OPCML: variants seen among roughly 807,000 people sequenced by gnomAD.
The protein encoded by OPCML is opioid binding protein/cell adhesion molecule like, also known as opioid-binding protein/cell adhesion molecule.
Under a neutral mutation model 37.8 loss-of-function variants are expected in OPCML, and 13 were observed. The ratio of observed to expected loss-of-function variants is 0.34; its 90% CI spans 0.22 to 0.55. OPCML has a LOEUF of 0.55. OPCML is among the 20% of genes least tolerant of loss of function. The pLI is 0.91. For synonymous variants in OPCML, 176 were observed against 168.8 expected (o/e 1.04, Z -0.33); for missense variants, 341 against 435.6 (o/e 0.78, Z 1.93).
At chr11:133,313,582 T>A (rs894750143) in intron 1 of OPCML, among the ~76,000 whole-genome samples, 2 of 152,198 alleles carry the variant, frequency 1.3e-5, no homozygotes, top group Non-Finnish European at 2.9e-5. Flanking sequence ...ATTTCCAGGC[T>A]GTGGTCAAGA....
At chr11:133,310,560 T>G (rs1433767736) in intron 1 of OPCML, among the ~76,000 whole-genome samples, 2 of 152,200 alleles carry the variant, frequency 1.3e-5, no homozygotes, top group Admixed American at 6.5e-5. Flanking sequence ...TTATTTTCTT[T>G]TTAATGTGGA....
At chr11:132,755,678 G>C (rs1212440172) in intron 2 of OPCML, among the ~76,000 whole-genome samples, 1 of 152,114 alleles carries the variant, frequency 6.6e-6, no homozygotes, top group Non-Finnish European at 1.5e-5. Context: ...TTTTAGTTAG[G>C]TAAACTGAGG....
At position 133,174,950 on chromosome 11, in the gene OPCML, T is replaced by A. The variant is rs576833313; in HGVS notation, c.62-231940A>T. Among the ~76,000 whole-genome samples the A allele has an allele frequency of 3.2e-4, 48 of 152,266 alleles. 1 individual carries two copies. The South Asian group carries it at 5.6e-3, about 18-fold the overall frequency. On this transcript the variant is annotated intron_variant, in intron 1 of 7. Transcript: ENST00000524381. The surrounding 1 kb of genome is among the most constrained non-coding windows in gnomAD (Gnocchi z 4.6). ...GACTCCTGTCTCTACAAAAAATTTT[T>A]AAAAAGTAACTGTACATGGTGTTGC...
intron 1 of OPCML, chr11:133,422,317 C>A (rs1014693064): frequency 5.1e-6 from 5 of 982,242 alleles, no homozygotes; most frequent in African/African-American, 1.8e-5. Context: ...TTCCATAATT[C>A]TTTTTCTAAG....
At chr11:132,424,722 G>T (rs57530342) in intron 7 of OPCML, among the ~76,000 whole-genome samples, 5,985 of 152,224 alleles carry the variant, frequency 0.039, 287 homozygotes, top group East Asian at 0.17. Context: ...GCATGATGAT[G>T]CTGAGTTTGC....
intron 1 of OPCML, among the ~76,000 whole-genome samples, chr11:133,339,266 C>T (rs1212630925): frequency 6.6e-6 from 1 of 152,196 alleles, no homozygotes; most frequent in African/African-American, 2.4e-5. Flanking sequence ...ATTCCCATAA[C>T]AGCCTTCTGA....
At chr11:133,125,294 C>T (rs1424899517) in intron 1 of OPCML, among the ~76,000 whole-genome samples, 1 of 152,032 alleles carries the variant, frequency 6.6e-6, no homozygotes, top group Non-Finnish European at 1.5e-5. Flanking sequence ...CAAAGCCATT[C>T]CCAGTGTCTA....
At chr11:132,815,682 T>C (rs565005473) in intron 2 of OPCML, among the ~76,000 whole-genome samples, 108 of 152,126 alleles carry the variant, frequency 7.1e-4, no homozygotes, top group Non-Finnish European at 1.3e-3. Context: ...TGACCCCCCA[T>C]AGGAGGGTCC....
chr11:132,580,539 T>G (rs1243540526), intron 3 of OPCML, among the ~76,000 whole-genome samples: 1 of 152,216 alleles, frequency 6.6e-6, no homozygotes, highest in African/African-American at 2.4e-5. Flanking sequence ...CATTATATTC[T>G]TAAGGTGTAT....
intron 1 of OPCML, among the ~76,000 whole-genome samples, chr11:133,172,085 C>T (rs932703986): frequency 6.6e-6 from 1 of 152,190 alleles, no homozygotes; most frequent in Non-Finnish European, 1.5e-5. Context: ...GATTAACCCT[C>T]CTTTAATTTA....
At chr11:132,445,110 C>T (rs532309596) in intron 4 of OPCML, among the ~76,000 whole-genome samples, 43 of 152,310 alleles carry the variant, frequency 2.8e-4, no homozygotes, top group Middle Eastern at 3.4e-3. Flanking sequence ...CCATCCAGGG[C>T]GGCCATGCTG....
At chr11:133,016,869 T>C (rs192020981) in intron 1 of OPCML, among the ~76,000 whole-genome samples, 17 of 152,318 alleles carry the variant, frequency 1.1e-4, no homozygotes, top group Non-Finnish European at 1.6e-4. Context: ...GCCTATGTTC[T>C]TGGTCCAAGG....
At chr11:133,091,885 G>A (rs184015938) in intron 1 of OPCML, among the ~76,000 whole-genome samples, 1 of 152,270 alleles carries the variant, frequency 6.6e-6, no homozygotes, top group Admixed American at 6.5e-5. Flanking sequence ...GGGCTATTGA[G>A]ATGGAATGAA....
At chr11:133,158,461 G>A (rs1333319119) in intron 1 of OPCML, among the ~76,000 whole-genome samples, 1 of 152,040 alleles carries the variant, frequency 6.6e-6, no homozygotes, top group African/African-American at 2.4e-5. Context: ...CAGCACTTTG[G>A]GAGGCTGAGG....
intron 1 of OPCML, among the ~76,000 whole-genome samples, chr11:133,251,314 G>C (rs1431358469): frequency 1.3e-5 from 2 of 152,086 alleles, no homozygotes; most frequent in Non-Finnish European, 2.9e-5. Context: ...ACTGGGGATA[G>C]AGCAGTAGCC....
chr11:132,853,428 A>T (rs1243185666), intron 2 of OPCML, among the ~76,000 whole-genome samples: 1 of 152,232 alleles, frequency 6.6e-6, no homozygotes, highest in African/African-American at 2.4e-5. Flanking sequence ...CATGGTAAAA[A>T]TATGAATTCA....
At chr11:132,432,847 T>C (rs74568263) in intron 7 of OPCML, among the ~76,000 whole-genome samples, 2,402 of 152,306 alleles carry the variant, frequency 0.016, 72 homozygotes, top group African/African-American at 0.055. Flanking sequence ...AAACAAGGAA[T>C]CTATCTGTTG....
chr11:133,065,225 C>CG (rs945211035), intron 1 of OPCML: 1 of 152,442 alleles, frequency 6.6e-6, no homozygotes, highest in Non-Finnish European at 1.5e-5. Flanking sequence ...CTGGGGCCTC[C>CG]GGGGGCAGGA....
chr11:133,137,604 G>A (rs1021117073), intron 1 of OPCML, among the ~76,000 whole-genome samples: 6 of 152,132 alleles, frequency 3.9e-5, no homozygotes, highest in Non-Finnish European at 4.4e-5. Flanking sequence ...TGAGTTTGGT[G>A]TATCATCATG....
Sources: gnomAD v4.1 joint callset for allele counts (sites outside exome capture counted in the v4.1 genomes callset) on GRCh38, gnomAD v4.1.1 for gene constraint, Gnocchi (gnomAD v3.1) non-coding constraint, MANE v1.5 for transcripts, NCBI Gene and HGNC (gene_info 2026-07-23, HGNC 2026-07-21) for gene names.